Variants in PTCHD1 observed in about 807,000 individuals in gnomAD.
PTCHD1 encodes the protein patched domain containing 1.
In PTCHD1, 3 loss-of-function variants were observed where a neutral mutation model predicts 34.6. That is an observed-to-expected ratio of 0.09 (90% confidence interval 0.04 to 0.22). PTCHD1 has a LOEUF of 0.22. Among genes scored for constraint, PTCHD1 ranks in the 10% least tolerant of loss-of-function variants. The probability of loss-of-function intolerance (pLI) is 1.00; values close to 1 mark genes in which losing one functional copy is unlikely to be tolerated. For synonymous variants in PTCHD1, 305 were observed against 283.1 expected, an observed-to-expected ratio of 1.08 and a Z score of -0.77; for missense variants, 504 against 685.5, an observed-to-expected ratio of 0.74 and a Z score of 2.96.
intron 2 of PTCHD1, among the ~76,000 whole-genome samples, chrX:23,381,502 C>A (rs765961565): frequency 4.4e-4 from 50 of 112,383 alleles, no homozygotes; most frequent in Non-Finnish European, 8.1e-4. Flanking sequence ...AGGTCATTAG[C>A]GTGCCTTATG....
chrX:23,358,009 T>G (rs903810154), intron 1 of PTCHD1, among the ~76,000 whole-genome samples: 2 of 112,012 alleles, frequency 1.8e-5, no homozygotes, highest in Admixed American at 1.9e-4. Context: ...TGTGGCTCCA[T>G]AGTATTCCAT....
intron 1 of PTCHD1, among the ~76,000 whole-genome samples, chrX:23,356,059 C>G (rs1001587499): frequency 9.0e-6 from 1 of 111,432 alleles, no homozygotes; most frequent in African/African-American, 3.3e-5. Context: ...CTTTTTTTCT[C>G]GAGTCAGAAT....
rs868058757 is a variant in PTCHD1, at chrX:23,393,419, A to C, written c.1901A>C (p.Lys634Thr). The part of the protein sequence containing the change: ...SHFQEDIIFS[K>T]KYNDEVDVVA... The stretch of plus-strand genomic sequence containing the variant: ...TTTCAAGAGGACATCATCTTCTCTA[A>C]AAAATACAATGATGAGGTCGATGTA... The change falls in exon 3 of 3, where the codon AAA (lysine) becomes ACA (threonine). Residue 634 changes from lysine (K) to threonine (T), a missense_variant. Lys to Thr is a moderately conservative substitution (Grantham distance 78). Coordinates refer to ENST00000379361, the MANE Select transcript of PTCHD1 (RefSeq NM_173495.3). The C allele has an allele frequency of 5.0e-6, 6 of 1,209,707 alleles. No individual in the cohort carries two copies. The African/African-American group carries it at 1.0e-4, about 21-fold the overall frequency.
chrX:23,394,188 A>C lies in PTCHD1; in HGVS notation c.*3A>C, dbSNP rs774809166. 7.7e-6 allele frequency: 9 copies of C among 1,162,631 alleles called. No homozygotes were observed. In the East Asian group the frequency reaches 2.7e-4, roughly 35 times the overall value. On this transcript the variant is annotated 3_prime_UTR_variant, in exon 3 of 3. Coordinates refer to ENST00000379361, the MANE Select transcript of PTCHD1 (RefSeq NM_173495.3). ...TTGACCAAATTACAACAGTGTGATAATGTCTGCTTGGCATATTTTCACCTT... is the reference window on the plus strand; with the variant it reads ...TTGACCAAATTACAACAGTGTGATACTGTCTGCTTGGCATATTTTCACCTT...
chrX:23,386,169 T>C (rs1308153267), intron 2 of PTCHD1, among the ~76,000 whole-genome samples: 1 of 111,776 alleles, frequency 8.9e-6, no homozygotes, highest in Non-Finnish European at 1.9e-5. Context: ...GCATATATTA[T>C]GGGCCACATT....
chrX:23,391,966 C>T (rs1922838929), intron 2 of PTCHD1, among the ~76,000 whole-genome samples: 1 of 111,012 alleles, frequency 9.0e-6, no homozygotes, highest in African/African-American at 3.3e-5. Context: ...AAGAGATCCA[C>T]CTGCCTTAGC....
At chrX:23,342,500 A>G (rs370712700) in intron 1 of PTCHD1, among the ~76,000 whole-genome samples, 1 of 106,633 alleles carries the variant, frequency 9.4e-6, no homozygotes, top group African/African-American at 3.3e-5. Context: ...TTTCTAGGGA[A>G]TGGATATTCA....
chrX:23,394,832 C>T lies in PTCHD1; in HGVS notation c.*647C>T, dbSNP rs1256863866. 1 of 113,313 alleles carries T rather than the reference C, an allele frequency of 8.8e-6. No homozygotes were observed. Among genetic ancestry groups the T allele is most frequent in the Non-Finnish European group, 1.9e-5 (1 of 53,606 alleles). 9.3% of individuals were successfully genotyped at this position (113,313 alleles called of 1,213,427 possible). On this transcript the variant is annotated 3_prime_UTR_variant, in exon 3 of 3. Transcript: ENST00000379361. Reference sequence around the variant, plus strand: ...CACCGCTAAATTTACCCAGGTGAAGCAGTTTCGTTGTCTAGAATGAAATTA... The same window carrying T: ...CACCGCTAAATTTACCCAGGTGAAGTAGTTTCGTTGTCTAGAATGAAATTA...
intron 2 of PTCHD1, among the ~76,000 whole-genome samples, chrX:23,385,399 C>CTT (rs760184424): frequency 3.1e-4 from 35 of 111,368 alleles, no homozygotes; most frequent in African/African-American, 1.1e-3. Flanking sequence ...TACAAAGGGG[C>CTT]TTTGTCTTTG....
At chrX:23,392,070 C>CTTCCTTTTTTTTTTTTTTTTT (rs1922848553) in intron 2 of PTCHD1, among the ~76,000 whole-genome samples, 1 of 39,480 alleles carries the variant, frequency 2.5e-5, no homozygotes, top group Non-Finnish European at 4.1e-5. Context: ...TTCTTTCTTT[C>CTTCCTTTTTTTTTTTTTTTTT]TTTCTTTTTT....
At chrX:23,386,654 A>G (rs1281015080) in intron 2 of PTCHD1, among the ~76,000 whole-genome samples, 2 of 112,778 alleles carry the variant, frequency 1.8e-5, no homozygotes, top group African/African-American at 6.4e-5. Context: ...AAAAACAGGC[A>G]TCTTATAAAC....
chrX:23,387,714 C>T (rs1331554152), intron 2 of PTCHD1, among the ~76,000 whole-genome samples: 5 of 111,491 alleles, frequency 4.5e-5, no homozygotes, highest in South Asian at 7.5e-4. Flanking sequence ...TAGAACTTGG[C>T]GCTCCCTTCA....
chrX:23,379,970 A>T lies in PTCHD1; in HGVS notation c.731A>T (p.Asn244Ile), dbSNP rs751950244. Residue 244 changes from asparagine (N) to isoleucine (I), a missense_variant, in exon 2 of 3, where the codon AAC (asparagine) becomes ATC (isoleucine). By Grantham distance (149) the Asn-to-Ile change is moderately radical. Coordinates refer to ENST00000379361, the MANE Select transcript of PTCHD1 (RefSeq NM_173495.3). ...CDTVRLFQKS[N>I]SKVKMYPYTS... Reference sequence around the variant, plus strand: ...ACTGTCAGACTGTTTCAGAAATCCAACAGCAAAGTCAAAATGTACCCTTAC... The same window carrying T: ...ACTGTCAGACTGTTTCAGAAATCCATCAGCAAAGTCAAAATGTACCCTTAC... 1 of 1,211,799 alleles carries T rather than the reference A, an allele frequency of 8.3e-7. No homozygotes were observed. Among genetic ancestry groups the T allele is most frequent in the South Asian group, 1.8e-5 (1 of 56,959 alleles).
chrX:23,343,473 T>A (rs1276462712), intron 1 of PTCHD1, among the ~76,000 whole-genome samples: 1 of 111,656 alleles, frequency 9.0e-6, no homozygotes, highest in Non-Finnish European at 1.9e-5. Flanking sequence ...AAGAAAAGTC[T>A]CAAAACATTG....
intron 1 of PTCHD1, among the ~76,000 whole-genome samples, chrX:23,362,978 T>C (rs1442828194): frequency 8.9e-6 from 1 of 112,343 alleles, no homozygotes; most frequent in Non-Finnish European, 1.9e-5. Context: ...ACAGCAAATA[T>C]TGCAGAAGAG....
chrX:23,347,496 A>G (rs917312936), intron 1 of PTCHD1, among the ~76,000 whole-genome samples: 1 of 112,337 alleles, frequency 8.9e-6, no homozygotes, highest in African/African-American at 3.2e-5. Context: ...TAGCTACAAC[A>G]AACATTAAAT....
rs751692491 is a variant in PTCHD1, at chrX:23,392,952, C to T, written c.1434C>T (p.Tyr478=). 14 of 1,210,799 alleles carry T rather than the reference C, an allele frequency of 1.2e-5. No individual in the cohort carries two copies. The Admixed American group carries it at 1.3e-4, about 11-fold the overall frequency. ...DTAEGEEANT[Y]ESHLLVCFLK... ...CTGAAGGCGAGGAAGCGAACACTTA[C>T]GAGAGTCACCTATTGGTATGTTTCC... Residue 478 remains tyrosine (Y), a synonymous_variant, in exon 3 of 3, where the codon TAC becomes TAT. Coordinates refer to ENST00000379361, the MANE Select transcript of PTCHD1 (RefSeq NM_173495.3).
At chrX:23,335,270 C>G (rs373154888) in intron 1 of PTCHD1, 44 bp downstream of exon 1, 2 of 1,073,401 alleles carry the variant, frequency 1.9e-6, no homozygotes, top group Admixed American at 4.5e-5. Flanking sequence ...GCGCCGCGGC[C>G]GCGGTCGGGC....
In PTCHD1 at chrX:23,395,758, T is replaced by C. The variant is rs1199728370; in HGVS notation, c.*1573T>C. ...CAAATATCTACAGTATTTTTCCCTT[T>C]TAGAGATGTAGCTTCCTTAGACATC... On this transcript the variant is annotated 3_prime_UTR_variant, in exon 3 of 3. Transcript: ENST00000379361. 1 of 112,115 alleles carries C rather than the reference T, an allele frequency of 8.9e-6. No individual in the cohort carries two copies. Among genetic ancestry groups the C allele is most frequent in the Admixed American group, 9.5e-5 (1 of 10,543 alleles). The allele number at this position is 112,115 out of a possible 1,213,427, so 9.2% of individuals were successfully genotyped here. A position where few individuals can be genotyped will look rare whatever the true frequency, so the allele number is the denominator to read the frequency against.
Sources: allele counts gnomAD v4.1 joint callset (sites outside exome capture counted in the v4.1 genomes callset), GRCh38; gene constraint gnomAD v4.1.1; transcripts MANE v1.5; gene names NCBI Gene and HGNC (gene_info 2026-07-23, HGNC 2026-07-21).